The following BPTF variants were observed in gnomAD, a reference collection of about 807,000 sequenced individuals.
BPTF encodes the protein nucleosome-remodeling factor subunit BPTF.
BPTF carries 18 observed loss-of-function variants against 292.5 expected under a neutral mutation model. The observed-to-expected ratio is 0.06, with a 90% CI of 0.04 to 0.09. The LOEUF is 0.09. BPTF is among the 10% of genes least tolerant of loss of function. The pLI, the probability that BPTF is intolerant of heterozygous loss-of-function variation, is 1.00. For missense variants in BPTF, 2,726 were observed against 3,498.7 expected (o/e 0.78, Z 5.57); for synonymous variants, 1,225 against 1,251.9 (o/e 0.98, Z 0.45).
In BPTF at chr17:67,917,131, C is replaced by CTTTTTTTTTTTTT. The variant is rs943348736; in HGVS notation, c.5304-1576_5304-1564dup. Among the ~76,000 whole-genome samples, 335 of 105,756 alleles carry CTTTTTTTTTTTTT rather than the reference C, an allele frequency of 3.2e-3. 25 individuals carry two copies. The highest frequency in any genetic ancestry group is 5.7e-3 in the East Asian group (14 of 2,448). 69.4% of individuals were successfully genotyped at this position (105,756 alleles called of 152,430 possible). A position where few individuals can be genotyped will look rare whatever the true frequency, so the allele number is the denominator to read the frequency against. ...GATAAGTAACTAATATGGTATTGTC[C>CTTTTTTTTTTTTT]TTTTTTTTTTTTTTTTTTTGAGATA... On this transcript the variant is annotated intron_variant, in intron 11 of 27. Coordinates refer to ENST00000306378, the MANE Select transcript of BPTF (RefSeq NM_182641.4).
chr17:67,874,129 C>G (rs1487753279), intron 3 of BPTF, among the ~76,000 whole-genome samples: 1 of 152,090 alleles, frequency 6.6e-6, no homozygotes, highest in African/African-American at 2.4e-5. Flanking sequence ...CATGATAACC[C>G]AAAGAATATA....
chr17:67,976,121 A>T, intron 27 of BPTF, 163 bp downstream of exon 27: 1 of 527,050 alleles, frequency 1.9e-6, no homozygotes, highest in Non-Finnish European at 3.0e-6. Flanking sequence ...TCTACTGCCA[A>T]GGAGAAGTGG....
intron 3 of BPTF, among the ~76,000 whole-genome samples, chr17:67,870,774 T>TTTC (rs1216716790): frequency 3.0e-5 from 4 of 131,710 alleles, no homozygotes; most frequent in African/African-American, 1.2e-4. Flanking sequence ...TTCTTTTTTT[T>TTTC]TTTTTTTTTT....
chr17:67,911,371 A>G lies in BPTF; in HGVS notation c.3487A>G (p.Lys1163Glu), dbSNP rs1017273676. 7 of 1,613,974 alleles carry G rather than the reference A, an allele frequency of 4.3e-6. No individual in the cohort carries two copies. The highest frequency in any genetic ancestry group is 2.7e-5 in the African/African-American group (2 of 74,942). The change falls in exon 11 of 28, where the codon AAA becomes GAA. Residue 1163 changes from lysine (K) to glutamate (E), a missense_variant. Physicochemically the swap from Lys to Glu is moderately conservative, Grantham distance 56. Transcript: ENST00000306378. ...TCATACCACAAACAAACTTTATCCA[A>G]AAGATCGAGTGTTAGATGATGTCTC... is the stretch of plus-strand genomic sequence containing the variant. ...PSHTTNKLYP[K>E]DRVLDDVSIR...
intron 27 of BPTF, among the ~76,000 whole-genome samples, chr17:67,980,480 T>C (rs2070212386): frequency 1.3e-5 from 2 of 152,266 alleles, no homozygotes; most frequent in African/African-American, 4.8e-5. Context: ...TTTTCATTTG[T>C]ACATCGTGGT....
At chr17:67,889,129 A>G (rs997527523) in intron 4 of BPTF, among the ~76,000 whole-genome samples, 19 of 152,092 alleles carry the variant, frequency 1.2e-4, no homozygotes, top group Non-Finnish European at 1.0e-4. Flanking sequence ...GCTGATGTAG[A>G]TCTGTAGCCT....
rs369457219 is a variant in BPTF at position 67,854,519 on chromosome 17, A to G, written c.1193A>G (p.Lys398Arg). ...GATGACCATTGTAGGGTTTGTCACA[A>G]ACTTGGGGATTTGCTTTGCTGTGAG... ...QYDDHCRVCH[K>R]LGDLLCCETC... Residue 398 changes from lysine to arginine, a missense_variant, in exon 2 of 28, where the codon AAA (lysine) becomes AGA (arginine). By Grantham distance (26) the Lys-to-Arg change is conservative (BLOSUM62 2). Around this residue, in one of 22 missense-constraint regions of BPTF, gnomAD observed 102 missense variants for 212.6 expected, o/e 0.48. Coordinates refer to ENST00000306378, the MANE Select transcript of BPTF (RefSeq NM_182641.4). This position sits in a 1 kb window ranked among gnomAD's most constrained non-coding sequence, Gnocchi z 5.6. 1.2e-4 allele frequency: 190 copies of G among 1,614,090 alleles called. No homozygotes were observed. The highest frequency in any genetic ancestry group is 1.6e-4 in the Non-Finnish European group (185 of 1,180,042).
chr17:67,935,779 C>G (rs1311217664), intron 18 of BPTF, among the ~76,000 whole-genome samples: 3 of 152,068 alleles, frequency 2.0e-5, no homozygotes, highest in African/African-American at 7.2e-5. Context: ...TGCTTGAACC[C>G]TAGAGGCAGA....
chr17:67,896,467 C>CCCGG (rs1555641223), intron 7 of BPTF, among the ~76,000 whole-genome samples: 3 of 11,076 alleles, frequency 2.7e-4, no homozygotes, highest in South Asian at 0.018. Flanking sequence ...TAACTAGAAA[C>CCCGG]TGTCCCCCCA....
chr17:67,962,127 A>G (rs578010722), intron 24 of BPTF, among the ~76,000 whole-genome samples: 4 of 100,162 alleles, frequency 4.0e-5, no homozygotes, highest in East Asian at 2.1e-4. Context: ...TGGGCTATAC[A>G]GCGAGACAAA....
intron 24 of BPTF, among the ~76,000 whole-genome samples, chr17:67,961,440 C>G (rs1410438520): frequency 1.3e-5 from 2 of 151,480 alleles, no homozygotes; most frequent in South Asian, 2.1e-4. Context: ...AACTGAAATT[C>G]AAGTCCTGAA....
intron 23 of BPTF, among the ~76,000 whole-genome samples, chr17:67,954,282 C>T (rs1598891492): frequency 6.6e-6 from 1 of 152,122 alleles, no homozygotes; most frequent in Non-Finnish European, 1.5e-5. Flanking sequence ...ATCCTCTTGC[C>T]TCGACCTCCC....
intron 9 of BPTF, among the ~76,000 whole-genome samples, chr17:67,906,429 T>C (rs747140169): frequency 5.3e-5 from 8 of 152,196 alleles, no homozygotes; most frequent in African/African-American, 9.7e-5. Context: ...AGCTTTAGTA[T>C]TTAGAATCAC....
intron 1 of BPTF, among the ~76,000 whole-genome samples, chr17:67,839,187 T>TAAAAAAAAA (rs1567870364): frequency 2.0e-5 from 3 of 151,404 alleles, no homozygotes; most frequent in African/African-American, 7.4e-5. Flanking sequence ...AAAGCAATGT[T>TAAAAAAAAA]AAATGTTAGT....
intron 4 of BPTF, chr17:67,886,031 A>G: frequency 2.2e-6 from 2 of 929,058 alleles, no homozygotes; most frequent in South Asian, 3.8e-5. Context: ...TTAAAAATAC[A>G]GCTTCTTAAT....
chr17:67,851,792 G>T (rs2058424616), intron 1 of BPTF, among the ~76,000 whole-genome samples: 6 of 152,078 alleles, frequency 3.9e-5, no homozygotes, highest in Admixed American at 3.9e-4. Flanking sequence ...TGTTTCCATT[G>T]TTTTGCATCC....
intron 27 of BPTF, among the ~76,000 whole-genome samples, chr17:67,978,973 C>G (rs2069938536): frequency 6.6e-6 from 1 of 151,464 alleles, no homozygotes. Context: ...CCCAGGAATT[C>G]TAGACCAGCC....
At chr17:67,971,845 G>A (rs1471421504) in intron 26 of BPTF, among the ~76,000 whole-genome samples, 13 of 141,488 alleles carry the variant, frequency 9.2e-5, no homozygotes, top group African/African-American at 1.0e-4. Flanking sequence ...AAAAAAAAAA[G>A]AGAAGAAAAA....
intron 26 of BPTF, among the ~76,000 whole-genome samples, chr17:67,966,908 T>A (rs2068160637): frequency 1.3e-5 from 2 of 151,838 alleles, no homozygotes; most frequent in Non-Finnish European, 2.9e-5. Context: ...GAGACTATCC[T>A]GGCCAACATG....
Sources: allele counts gnomAD v4.1 joint callset (sites outside exome capture counted in the v4.1 genomes callset), GRCh38; gene constraint gnomAD v4.1.1; regional missense constraint gnomAD v4.1.1; non-coding constraint Gnocchi (gnomAD v3.1); transcripts MANE v1.5; gene names NCBI Gene and HGNC (gene_info 2026-07-23, HGNC 2026-07-21).